DPYSL2: variants seen among roughly 807,000 people sequenced by gnomAD.
DPYSL2 encodes the protein dihydropyrimidinase like 2, also known as dihydropyrimidinase-related protein 2.
DPYSL2 carries 13 observed loss-of-function variants against 69.9 expected under a neutral mutation model. The ratio of observed to expected loss-of-function variants is 0.19; its 90% confidence interval spans 0.12 to 0.30. The LOEUF (loss-of-function observed/expected upper bound fraction) is 0.30, where lower values mean the gene tolerates loss of function less well. Among genes scored for constraint, DPYSL2 ranks in the 10% least tolerant of loss-of-function variants. The pLI, the probability that DPYSL2 is intolerant of heterozygous loss-of-function variation, is 1.00. For missense variants in DPYSL2, 587 were observed against 918.9 expected (o/e 0.64, Z 4.67); for synonymous variants, 326 against 359.1 (o/e 0.91, Z 1.04).
rs533046338 is a variant in DPYSL2 at position 26,647,442 on chromosome 8, T to C, written c.1426-188T>C. ...GTTCTCCATCTCTACCATTTTGTTA[T>C]TTGGAGAATGTTATAGAAATGGAGT... On this transcript the variant is annotated intron_variant, in intron 10 of 13. Transcript: ENST00000521913. This position sits in a 1 kb window ranked among gnomAD's most constrained non-coding sequence, Gnocchi z 5.1. Among the ~76,000 whole-genome samples the C allele has an allele frequency of 2.6e-5, 4 of 152,358 alleles. No individual in the cohort carries two copies. The South Asian group carries it at 8.3e-4, about 32-fold the overall frequency.
rs149358366 is a variant in DPYSL2 at position 26,519,282 on chromosome 8, G to A, written c.354+4603G>A. On this transcript the variant is annotated intron_variant, in intron 1 of 13. Coordinates refer to ENST00000521913, the MANE Select transcript of DPYSL2 (RefSeq NM_001197293.3). ...ATTCAAATGTGTACTATCATTGAAT[G>A]TCAGAGCTTGCAAGAGACCTAATGA... Among the ~76,000 whole-genome samples, 42 of 152,312 alleles carry A rather than the reference G, an allele frequency of 2.8e-4. No individual in the cohort carries two copies. The East Asian group carries it at 8.1e-3, about 29-fold the overall frequency.
rs1355988178 is a variant in DPYSL2 at position 26,626,727 on chromosome 8, C to T, written c.855+49C>T. On this transcript the variant is annotated intron_variant, in intron 5 of 13. Coordinates refer to ENST00000521913, the MANE Select transcript of DPYSL2 (RefSeq NM_001197293.3). This position sits in a 1 kb window ranked among gnomAD's most constrained non-coding sequence, Gnocchi z 4.3. ...GAGGCACCCTGACATTTGGTACCTT[C>T]AGGCTGTGGCCGTTTGGGAAAGCAG... 3.2e-6 allele frequency: 5 copies of T among 1,586,268 alleles called. No individual in the cohort carries two copies. The African/African-American group carries it at 6.7e-5, about 21-fold the overall frequency.
chr8:26,534,639 T>G (rs1465472347), intron 1 of DPYSL2, among the ~76,000 whole-genome samples: 1 of 151,748 alleles, frequency 6.6e-6, no homozygotes, highest in Non-Finnish European at 1.5e-5. Context: ...TATTTATTAT[T>G]ATTATTATTA....
rs1802566298 is a variant in DPYSL2, at chr8:26,624,271, A to G, written c.757A>G (p.Ile253Val). Residue 253 changes from isoleucine (I) to valine (V), a missense_variant, in exon 4 of 14, where the codon ATC becomes GTC. Transcript: ENST00000521913. The surrounding 1 kb of genome is among the most constrained non-coding windows in gnomAD (Gnocchi z 4.7). ...HVDISEWHKGIQEEMEALVKD... is the reference protein window; with the variant it reads ...HVDISEWHKGVQEEMEALVKD... The stretch of plus-strand genomic sequence containing the variant: ...GGACATCAGTGAGTGGCATAAGGGC[A>G]TCCAGGAGGAGATGGAAGCGCTTGT... 6.2e-7 allele frequency: 1 copy of G among 1,614,202 alleles called. No homozygotes were observed. Among genetic ancestry groups the G allele is most frequent in the Non-Finnish European group, 8.5e-7 (1 of 1,180,030 alleles).
At position 26,652,231 on chromosome 8, in the gene DPYSL2, T is replaced by G; in HGVS notation, c.1597-26T>G. 6.2e-7 allele frequency: 1 copy of G among 1,602,474 alleles called. No homozygotes were observed. The highest frequency in any genetic ancestry group is 8.5e-7 in the Non-Finnish European group (1 of 1,173,718). The stretch of plus-strand genomic sequence containing the variant: ...TGAGTCCAGCCAGAGTGGCCTGTTC[T>G]AGAGTTTACTTTGCCTTCTTCTCAG... On this transcript the variant is annotated intron_variant, in intron 11 of 13. Coordinates refer to ENST00000521913, the MANE Select transcript of DPYSL2 (RefSeq NM_001197293.3). This position sits in a 1 kb window ranked among gnomAD's most constrained non-coding sequence, Gnocchi z 6.3.
chr8:26,589,305 G>C (rs764280217), intron 3 of DPYSL2, among the ~76,000 whole-genome samples: 3 of 152,168 alleles, frequency 2.0e-5, no homozygotes, highest in Non-Finnish European at 4.4e-5. Context: ...GCAAACGTTG[G>C]GCTTTTATCC....
intron 1 of DPYSL2, among the ~76,000 whole-genome samples, chr8:26,520,930 C>T (rs1041691349): frequency 6.6e-6 from 1 of 152,034 alleles, no homozygotes; most frequent in African/African-American, 2.4e-5. Context: ...TTTATAAGGT[C>T]ACTATCCTGC....
chr8:26,567,383 A>G (rs1044334350), intron 1 of DPYSL2, among the ~76,000 whole-genome samples: 1 of 143,180 alleles, frequency 7.0e-6, no homozygotes, highest in East Asian at 2.0e-4. Context: ...TGCCCACCCA[A>G]CTATCCATTC....
chr8:26,632,821 AG>A (rs1461830388), intron 7 of DPYSL2, among the ~76,000 whole-genome samples: 1 of 152,188 alleles, frequency 6.6e-6, no homozygotes, highest in Non-Finnish European at 1.5e-5. Flanking sequence ...GTGGAGAGAG[AG>A]GGCTTCTCCT....
At chr8:26,523,952 T>C (rs770830883) in intron 1 of DPYSL2, among the ~76,000 whole-genome samples, 1 of 152,268 alleles carries the variant, frequency 6.6e-6, no homozygotes, top group Non-Finnish European at 1.5e-5. Context: ...ATCCATCTTT[T>C]AGTTCTTGTG....
In DPYSL2 at chr8:26,626,764, T is replaced by C. The variant is rs1238104720; in HGVS notation, c.855+86T>C. 7.3e-7 allele frequency: 1 copy of C among 1,378,760 alleles called. No homozygotes were observed. Among genetic ancestry groups the C allele is most frequent in the African/African-American group, 1.4e-5 (1 of 69,442 alleles). The allele number at this position is 1,378,760 out of a possible 1,614,324, so 85.4% of individuals were successfully genotyped here. On this transcript the variant is annotated intron_variant, in intron 5 of 13. Coordinates refer to ENST00000521913, the MANE Select transcript of DPYSL2 (RefSeq NM_001197293.3). The surrounding 1 kb of genome is among the most constrained non-coding windows in gnomAD (Gnocchi z 4.3). ...GTTTGGGAAAGCAGTCTCCGATGTA[T>C]GCATGTTTCCTAGCTTCCTGGGAAG... is the stretch of plus-strand genomic sequence containing the variant.
intron 3 of DPYSL2, among the ~76,000 whole-genome samples, chr8:26,603,512 T>C (rs1201998079): frequency 6.6e-6 from 1 of 152,202 alleles, no homozygotes; most frequent in Non-Finnish European, 1.5e-5. Context: ...ATAACACAAA[T>C]TTTACCACTC....
At chr8:26,646,431 C>G (rs899527427) in intron 10 of DPYSL2, among the ~76,000 whole-genome samples, 26 of 152,308 alleles carry the variant, frequency 1.7e-4, no homozygotes, top group African/African-American at 6.3e-4. Context: ...GTGTCATCAG[C>G]AAAGATCCAT....
At chr8:26,551,157 C>T (rs1436054643) in intron 1 of DPYSL2, among the ~76,000 whole-genome samples, 1 of 152,226 alleles carries the variant, frequency 6.6e-6, no homozygotes, top group Non-Finnish European at 1.5e-5. Flanking sequence ...GGTCTCAGTG[C>T]CTACTGACGC....
At position 26,610,355 on chromosome 8, in the gene DPYSL2, G is replaced by A. The variant is rs1218860576; in HGVS notation, c.629-13788G>A. Among the ~76,000 whole-genome samples, 1 of 152,232 alleles carries A rather than the reference G, an allele frequency of 6.6e-6. No homozygotes were observed. The highest frequency in any genetic ancestry group is 1.5e-5 in the Non-Finnish European group (1 of 68,042). On this transcript the variant is annotated intron_variant, in intron 3 of 13. Coordinates refer to ENST00000521913, the MANE Select transcript of DPYSL2 (RefSeq NM_001197293.3). The surrounding 1 kb of genome is among the most constrained non-coding windows in gnomAD (Gnocchi z 4.5). ...AAGGTTGTTTACATCACAGTGTCCT[G>A]TATTTGGGGGCTGCCCTGGGATGTG...
At position 26,556,842 on chromosome 8, in the gene DPYSL2, A is replaced by C. The variant is rs116398782; in HGVS notation, c.355-25127A>C. Among the ~76,000 whole-genome samples, 873 of 152,310 alleles carry C rather than the reference A, an allele frequency of 5.7e-3. 9 individuals are homozygous for C. The highest frequency in any genetic ancestry group is 0.02 in the African/African-American group (820 of 41,572). ...ATACCATCTGACTTCAAAACTTACT[A>C]TAAGGCTACAGTTGCCAAGACAGTG... On this transcript the variant is annotated intron_variant, in intron 1 of 13. Coordinates refer to ENST00000521913, the MANE Select transcript of DPYSL2 (RefSeq NM_001197293.3).
chr8:26,547,905 C>T (rs926728629), intron 1 of DPYSL2: 13 of 274,240 alleles, frequency 4.7e-5, no homozygotes, highest in African/African-American at 2.6e-4. Flanking sequence ...CACTGAAATC[C>T]CCATCCCAGA....
chr8:26,644,913 C>T lies in DPYSL2; in HGVS notation c.1425+822C>T, dbSNP rs1158934774. On this transcript the variant is annotated intron_variant, in intron 10 of 13. Coordinates refer to ENST00000521913, the MANE Select transcript of DPYSL2 (RefSeq NM_001197293.3). The surrounding 1 kb of genome is among the most constrained non-coding windows in gnomAD (Gnocchi z 4.5). Reference sequence around the variant, plus strand: ...AAAATATATTAACAGAATAGGTTTTCTGTTTTTTAGTGAATTGTTTAGATT... The same window carrying T: ...AAAATATATTAACAGAATAGGTTTTTTGTTTTTTAGTGAATTGTTTAGATT... Among the ~76,000 whole-genome samples the T allele has an allele frequency of 6.6e-6, 1 of 152,018 alleles. No homozygotes were observed. The highest frequency in any genetic ancestry group is 1.9e-4 in the East Asian group (1 of 5,194).
intron 1 of DPYSL2, chr8:26,577,018 C>T (rs1021928748): frequency 9.2e-6 from 3 of 326,806 alleles, no homozygotes; most frequent in African/African-American, 6.9e-5. Context: ...GCTGCGGCTG[C>T]TCCCCATTCC....
Sources: allele counts gnomAD v4.1 joint callset (sites outside exome capture counted in the v4.1 genomes callset), GRCh38; gene constraint gnomAD v4.1.1; non-coding constraint Gnocchi (gnomAD v3.1); transcripts MANE v1.5; gene names NCBI Gene and HGNC (gene_info 2026-07-23, HGNC 2026-07-21).